ENTREP2: variants seen among roughly 807,000 people sequenced by gnomAD.
ENTREP2 encodes protein ENTREP2.
chr15:29,282,262 A>G, the ENTREP2 span, among the ~76,000 whole-genome samples: 1 of 152,154 alleles, frequency 6.6e-6, no homozygotes. Flanking sequence ...TGATGGTTTC[A>G]TAAGGGGAAA....
chr15:29,130,457 G>GT, the ENTREP2 span, among the ~76,000 whole-genome samples: 12 of 152,126 alleles, frequency 7.9e-5, no homozygotes, highest in African/African-American at 2.9e-4. Context: ...CTCCCCTCCC[G>GT]TATCTAACCC....
chr15:29,355,811 G>A, the ENTREP2 span, among the ~76,000 whole-genome samples: 8 of 152,192 alleles, frequency 5.3e-5, no homozygotes, highest in African/African-American at 1.9e-4. Context: ...GAACGTAAGA[G>A]AGCTGAAGTC....
the ENTREP2 span, among the ~76,000 whole-genome samples, chr15:29,402,292 T>TTG: frequency 0.041 from 5,429 of 131,664 alleles, 210 homozygotes; most frequent in African/African-American, 0.096. Context: ...GTATATTGTA[T>TTG]TGTGTGTGTG....
the ENTREP2 span, among the ~76,000 whole-genome samples, chr15:29,134,854 TG>T: frequency 6.6e-6 from 1 of 152,076 alleles, no homozygotes; most frequent in Non-Finnish European, 1.5e-5. Flanking sequence ...GGGAGAGCAT[TG>T]GGGGTGACAT....
At chr15:29,452,949 T>G in the ENTREP2 span, 2 of 151,300 alleles carry the variant, frequency 1.3e-5, no homozygotes, top group African/African-American at 4.9e-5. Flanking sequence ...CAGAAATGAG[T>G]GGAAAAGCTG....
chr15:29,618,251 G>A, the ENTREP2 span, among the ~76,000 whole-genome samples: 7 of 152,006 alleles, frequency 4.6e-5, no homozygotes, highest in South Asian at 4.2e-4. Context: ...GTGAAACCCC[G>A]TCTCTACTAA....
At chr15:29,365,578 C>T in the ENTREP2 span, among the ~76,000 whole-genome samples, 1 of 152,008 alleles carries the variant, frequency 6.6e-6, no homozygotes, top group African/African-American at 2.4e-5. Context: ...TAATGTACCA[C>T]AGTTACATAT....
At chr15:29,200,871 C>T in the ENTREP2 span, among the ~76,000 whole-genome samples, 1 of 152,214 alleles carries the variant, frequency 6.6e-6, no homozygotes, top group East Asian at 1.9e-4. Flanking sequence ...CAGCCCAAAC[C>T]CACATATTAA....
the ENTREP2 span, among the ~76,000 whole-genome samples, chr15:29,655,750 G>A: frequency 2.0e-5 from 3 of 152,052 alleles, no homozygotes; most frequent in Non-Finnish European, 2.9e-5. Context: ...AACAAACCGG[G>A]CACAGTGGCC....
chr15:29,502,562 T>C, the ENTREP2 span, among the ~76,000 whole-genome samples: 1 of 152,006 alleles, frequency 6.6e-6, no homozygotes, highest in Non-Finnish European at 1.5e-5. Flanking sequence ...ACTGAAAGCA[T>C]GTGTGACCAA....
At chr15:29,207,207 G>C in the ENTREP2 span, among the ~76,000 whole-genome samples, 1 of 152,112 alleles carries the variant, frequency 6.6e-6, no homozygotes, top group African/African-American at 2.4e-5. Flanking sequence ...CATTATTGGG[G>C]TGTTTCCCCT....
the ENTREP2 span, among the ~76,000 whole-genome samples, chr15:29,511,623 G>A: frequency 5.3e-5 from 8 of 151,750 alleles, no homozygotes; most frequent in African/African-American, 1.2e-4. Flanking sequence ...CACCACACCC[G>A]ACTGAGAGTG....
chr15:29,594,570 C>T, the ENTREP2 span, among the ~76,000 whole-genome samples: 6 of 152,100 alleles, frequency 3.9e-5, no homozygotes, highest in African/African-American at 1.4e-4. Flanking sequence ...TACACGGTGG[C>T]CAGAACATAG....
chr15:29,382,028 G>A, the ENTREP2 span, among the ~76,000 whole-genome samples: 1 of 152,196 alleles, frequency 6.6e-6, no homozygotes, highest in African/African-American at 2.4e-5. Context: ...GCACCAGGGT[G>A]CTATGGAGGG....
chr15:29,295,355 G>C, the ENTREP2 span, among the ~76,000 whole-genome samples: 1 of 152,114 alleles, frequency 6.6e-6, no homozygotes, highest in South Asian at 2.1e-4. Context: ...CCCCCACCTG[G>C]TCACTCCCAG....
At chr15:29,647,904 T>G in the ENTREP2 span, among the ~76,000 whole-genome samples, 1 of 152,094 alleles carries the variant, frequency 6.6e-6, no homozygotes, top group East Asian at 1.9e-4. Context: ...TACCCAAAAA[T>G]TGGACACTCA....
chr15:29,372,595 G>T, the ENTREP2 span, among the ~76,000 whole-genome samples: 1 of 152,076 alleles, frequency 6.6e-6, no homozygotes, highest in Non-Finnish European at 1.5e-5. Context: ...TATTTTCCAG[G>T]AATTAATCTA....
At chr15:29,673,066 G>A in the ENTREP2 span, among the ~76,000 whole-genome samples, 7 of 152,236 alleles carry the variant, frequency 4.6e-5, no homozygotes, top group Non-Finnish European at 7.4e-5. Context: ...TAGACCATAG[G>A]GGGTAACTTC....
the ENTREP2 span, among the ~76,000 whole-genome samples, chr15:29,547,965 A>C: frequency 6.6e-6 from 1 of 152,224 alleles, no homozygotes; most frequent in African/African-American, 2.4e-5. Flanking sequence ...AAGTGAAATA[A>C]GGCAGTCACA....
Sources: allele counts gnomAD v4.1 joint callset (sites outside exome capture counted in the v4.1 genomes callset), GRCh38; gene constraint gnomAD v4.1.1; transcripts MANE v1.5; gene names NCBI Gene and HGNC (gene_info 2026-07-23, HGNC 2026-07-21).